TUB: variants seen among roughly 807,000 people sequenced by gnomAD.
TUB encodes TUB bipartite transcription factor, also known as tubby protein homolog.
A neutral mutation model predicts 59.7 loss-of-function variants in TUB; 33 were observed. That is an observed-to-expected ratio of 0.55 (90% CI 0.42 to 0.74). The LOEUF is 0.74. Ranked by LOEUF, TUB falls within the 30% of genes least tolerant of loss-of-function variation. The pLI, the probability that TUB is intolerant of heterozygous loss-of-function variation, is 0.00. For synonymous variants in TUB, 293 were observed against 256.4 expected (o/e 1.14, Z -1.36); for missense variants, 659 against 672.0 (o/e 0.98, Z 0.21).
chr11:8,100,625 C>G (rs762225777), intron 10 of TUB, 24 bp downstream of exon 10: 15 of 1,604,948 alleles, frequency 9.3e-6, no homozygotes, highest in East Asian at 6.7e-5. Flanking sequence ...CCTTCCTCCC[C>G]TCTTTCCCCA....
intron 2 of TUB, among the ~76,000 whole-genome samples, chr11:8,062,624 C>G (rs1190929266): frequency 6.6e-6 from 1 of 152,114 alleles, no homozygotes; most frequent in Non-Finnish European, 1.5e-5. Flanking sequence ...AAGGCAGGCT[C>G]ACAACCTTCT....
upstream of TUB, among the ~76,000 whole-genome samples, chr11:8,080,257 C>T (rs530603457): frequency 9.2e-5 from 14 of 152,348 alleles, 1 homozygote; most frequent in African/African-American, 2.9e-4. Context: ...GTGTGGGGAC[C>T]GTGCCCCTCC....
chr11:8,089,719 A>G, intron 2 of TUB, 58 bp downstream of exon 2: 1 of 1,603,248 alleles, frequency 6.2e-7, no homozygotes, highest in Non-Finnish European at 8.5e-7. Flanking sequence ...CTCTGAGGGC[A>G]GAGGGGCAGG....
chr11:8,044,505 T>C (rs1355366970), intron 2 of TUB, among the ~76,000 whole-genome samples: 3 of 152,244 alleles, frequency 2.0e-5, no homozygotes, highest in African/African-American at 7.2e-5. Flanking sequence ...TTCTGTCATC[T>C]GTGTCTTCCT....
chr11:8,104,030 G>C lies in TUB; in HGVS notation c.*2411G>C, dbSNP rs1944415845. The C allele has an allele frequency of 6.6e-6, 1 of 152,230 alleles. No homozygotes were observed. The highest frequency in any genetic ancestry group is 1.5e-5 in the Non-Finnish European group (1 of 68,040). 9.4% of individuals were successfully genotyped at this position (152,230 alleles called of 1,614,324 possible). ...AACTCTGTCAGGCATTGAATGACAA[G>C]CATCAGTAGCTGAGTGCACTCCTGG... On this transcript the variant is annotated 3_prime_UTR_variant, in exon 12 of 12. Coordinates refer to ENST00000299506, the MANE Select transcript of TUB (RefSeq NM_177972.3).
chr11:8,097,091 C>T (rs896508218), intron 6 of TUB, 137 bp from the exon 7 acceptor site: 1 of 970,644 alleles, frequency 1.0e-6, no homozygotes, highest in Non-Finnish European at 1.5e-6. Context: ...ACCCCAGGCC[C>T]AGGCTGGCCA....
At chr11:8,039,799 C>T in intron 2 of TUB, 1 of 874,834 alleles carries the variant, frequency 1.1e-6, no homozygotes, top group Non-Finnish European at 1.6e-6. Context: ...CCATGAACCC[C>T]ATATGCGCCT....
intron 2 of TUB, among the ~76,000 whole-genome samples, chr11:8,070,148 T>C (rs1943333509): frequency 6.6e-6 from 1 of 152,172 alleles, no homozygotes; most frequent in Non-Finnish European, 1.5e-5. Flanking sequence ...TAAAAAAATC[T>C]CTGTACATTA....
chr11:8,091,476 C>T (rs1243760161), intron 3 of TUB, among the ~76,000 whole-genome samples: 1 of 152,214 alleles, frequency 6.6e-6, no homozygotes, highest in Non-Finnish European at 1.5e-5. Context: ...CTCACATCAT[C>T]AGTAAGGATG....
At chr11:8,059,703 G>T (rs1370999313) in intron 2 of TUB, among the ~76,000 whole-genome samples, 1 of 152,164 alleles carries the variant, frequency 6.6e-6, no homozygotes, top group Admixed American at 6.5e-5. Context: ...CAGGAGAGGG[G>T]TCAGGGGGCA....
intron 2 of TUB, among the ~76,000 whole-genome samples, chr11:8,049,582 G>GATATATATATATATATATATATAT (rs1564902564): frequency 3.0e-5 from 2 of 67,494 alleles, no homozygotes; most frequent in African/African-American, 9.5e-5. Context: ...TATATATATA[G>GATATATATATATATATATATATAT]ATAGATAGAT....
intron 2 of TUB, among the ~76,000 whole-genome samples, chr11:8,062,783 T>A (rs144226570): frequency 1.7e-3 from 260 of 152,156 alleles, no homozygotes; most frequent in African/African-American, 6.0e-3. Context: ...TGGGTGATTC[T>A]GACAGGCTGC....
At chr11:8,087,108 G>GC (rs1012655969) in intron 1 of TUB, among the ~76,000 whole-genome samples, 32 of 152,336 alleles carry the variant, frequency 2.1e-4, no homozygotes, top group African/African-American at 7.2e-4. Context: ...AGGGAAATGT[G>GC]CCCCCTGCAT....
At chr11:8,019,287 G>C in exon 1 of TUB, 1 of 1,263,640 alleles carries the variant, frequency 7.9e-7, no homozygotes, top group Non-Finnish European at 9.9e-7. Context: ...AGCCCCGAGC[G>C]GAGCCGGAGG....
chr11:8,037,758 G>A (rs187367391), upstream of TUB, among the ~76,000 whole-genome samples: 5 of 152,264 alleles, frequency 3.3e-5, no homozygotes, highest in Admixed American at 2.0e-4. Context: ...CAGGATCATC[G>A]GGCGGACTAA....
In TUB at chr11:8,098,755, C is replaced by T. The variant is rs1944120520; in HGVS notation, c.999-3C>T. On this transcript the variant is annotated splice_region_variant and splice_polypyrimidine_tract_variant and intron_variant, in intron 8 of 11. Transcript: ENST00000299506. ...CTCTATACTGATTGTGCCTTTATTT[C>T]AGGTCCAACTTGATGGGCACCAAGT... 6.2e-7 allele frequency: 1 copy of T among 1,610,684 alleles called. No individual in the cohort carries two copies. The highest frequency in any genetic ancestry group is 1.7e-4 in the Middle Eastern group (1 of 5,948).
chr11:8,039,647 G>A, exon 2 of TUB: 1 of 1,512,784 alleles, frequency 6.6e-7, no homozygotes, highest in Non-Finnish European at 8.9e-7. Flanking sequence ...CTCCTCAGGA[G>A]AACAACCAGG....
At chr11:8,071,935 T>C (rs1252656643) in intron 2 of TUB, among the ~76,000 whole-genome samples, 1 of 152,202 alleles carries the variant, frequency 6.6e-6, no homozygotes. Flanking sequence ...CAGGGCCACC[T>C]GGCATGAGAT....
chr11:8,095,596 G>A lies in TUB; in HGVS notation c.496G>A (p.Gly166Arg), dbSNP rs769063536. 6.2e-7 allele frequency: 1 copy of A among 1,612,902 alleles called. No individual in the cohort carries two copies. Among genetic ancestry groups the A allele is most frequent in the African/African-American group, 1.3e-5 (1 of 75,062 alleles). ...CCAGTCAGACCACGCCCAGGACGCA[G>A]GGGAGACGGCAGCTGGTGGGGGCGA... The part of the protein sequence containing the change: ...VGQSDHAQDA[G>R]ETAAGGGERP... The change falls in exon 5 of 12, where the codon GGG becomes AGG. Residue 166 changes from glycine (G) to arginine (R), a missense_variant. By Grantham distance (125) the Gly-to-Arg change is moderately radical. Around this residue, in one of 3 missense-constraint regions of TUB, gnomAD observed 321 missense variants for 304.3 expected, o/e 1.05. Transcript: ENST00000299506.
Sources: gnomAD v4.1 joint callset for allele counts (sites outside exome capture counted in the v4.1 genomes callset) on GRCh38, gnomAD v4.1.1 for gene constraint, gnomAD v4.1.1 regional missense constraint, MANE v1.5 for transcripts, NCBI Gene and HGNC (gene_info 2026-07-23, HGNC 2026-07-21) for gene names.